KNTC1: variants seen among roughly 807,000 people sequenced by gnomAD.
KNTC1 encodes the protein kinetochore associated 1, also known as kinetochore-associated protein 1.
A neutral mutation model predicts 314.4 loss-of-function variants in KNTC1; 253 were observed. The observed-to-expected ratio is 0.80, with a 90% CI of 0.73 to 0.89. The LOEUF (loss-of-function observed/expected upper bound fraction) is 0.89. KNTC1 is among the 40% of genes least tolerant of loss of function. The pLI is 0.00. For synonymous variants in KNTC1, 901 were observed against 901.4 expected (o/e 1.00, Z 0.01); for missense variants, 2,475 against 2,572.9 (o/e 0.96, Z 0.82).
At chr12:122,577,613 G>A in intron 30 of KNTC1, 59 bp from the exon 31 acceptor site, 1 of 1,525,724 alleles carries the variant, frequency 6.6e-7, no homozygotes, top group South Asian at 1.3e-5. Context: ...AAGAGGTAAG[G>A]CCACACCGTC....
At chr12:122,543,233 C>T (rs548308265) in intron 6 of KNTC1, among the ~76,000 whole-genome samples, 1 of 152,312 alleles carries the variant, frequency 6.6e-6, no homozygotes, top group East Asian at 1.9e-4. Flanking sequence ...TTTTAAAATA[C>T]TGACTTGCCA....
intron 37 of KNTC1, among the ~76,000 whole-genome samples, chr12:122,586,169 G>A (rs559478186): frequency 6.6e-6 from 1 of 152,154 alleles, no homozygotes; most frequent in Non-Finnish European, 1.5e-5. Context: ...TGCAACCTCT[G>A]CCTCCTGGGT....
At position 122,603,252 on chromosome 12, in the gene KNTC1, T is replaced by C; in HGVS notation, c.5101+9T>C. On this transcript the variant is annotated intron_variant, in intron 48 of 63. Transcript: ENST00000333479. Reference sequence around the variant, plus strand: ...CCAGGATATCCCTGAAGGTATGAGCTCTTCTTTTAAAATTGTAGTTAAAAA... The same window carrying C: ...CCAGGATATCCCTGAAGGTATGAGCCCTTCTTTTAAAATTGTAGTTAAAAA... The C allele has an allele frequency of 6.6e-7, 1 of 1,512,224 alleles. No individual in the cohort carries two copies. Among genetic ancestry groups the C allele is most frequent in the Non-Finnish European group, 8.9e-7 (1 of 1,119,564 alleles). The allele number at this position is 1,512,224 out of a possible 1,614,324, so 93.7% of individuals were successfully genotyped here. A position where few individuals can be genotyped will look rare whatever the true frequency, so the allele number is the denominator to read the frequency against.
chr12:122,575,678 A>G (rs1964968869), intron 28 of KNTC1, 32 bp downstream of exon 28: 1 of 1,515,598 alleles, frequency 6.6e-7, no homozygotes, highest in Non-Finnish European at 9.0e-7. Flanking sequence ...CAATGTTGTT[A>G]TGCTCTGGAG....
intron 16 of KNTC1, among the ~76,000 whole-genome samples, chr12:122,556,269 C>T (rs565008429): frequency 4.6e-5 from 7 of 152,136 alleles, no homozygotes; most frequent in African/African-American, 7.2e-5. Context: ...CCACCTGCCT[C>T]GGCCTCCCAA....
chr12:122,575,710 C>A (rs936465463), intron 28 of KNTC1, 64 bp downstream of exon 28: 2 of 1,475,556 alleles, frequency 1.4e-6, no homozygotes, highest in Non-Finnish European at 1.9e-6. Context: ...TTTGAGTTGA[C>A]GTTCATTTAT....
intron 8 of KNTC1, among the ~76,000 whole-genome samples, chr12:122,545,337 G>C (rs1962676688): frequency 6.6e-6 from 1 of 152,082 alleles, no homozygotes; most frequent in Non-Finnish European, 1.5e-5. Flanking sequence ...AGGAGTATCA[G>C]GCTGCAGTAG....
At chr12:122,594,043 A>C (rs879472607) in intron 42 of KNTC1, 7 of 475,826 alleles carry the variant, frequency 1.5e-5, no homozygotes, top group Non-Finnish European at 2.6e-5. Flanking sequence ...TTAACAATCA[A>C]ACTTTTCAGA....
chr12:122,613,628 C>T lies in KNTC1; in HGVS notation c.5744C>T (p.Ser1915Phe), dbSNP rs546052261. The T allele has an allele frequency of 2.3e-5, 37 of 1,597,412 alleles. No homozygotes were observed. The South Asian group carries it at 3.8e-4, about 16-fold the overall frequency. ...LFKKPIEEVKSYLRCITFLAS... is the reference protein window; with the variant it reads ...LFKKPIEEVKFYLRCITFLAS... ...TTAGAAACGTTTCTGTTTTCCAGAT[C>T]TTATTTGAGATGTATAACTTTTCTG... The change falls in exon 55 of 64, where the codon TCT becomes TTT. Residue 1915 changes from serine (S) to phenylalanine (F), a missense_variant and splice_region_variant. Physicochemically the swap from Ser to Phe is radical, Grantham distance 155. Transcript: ENST00000333479.
In KNTC1 at chr12:122,569,938, CTG is replaced by C. The variant is rs145197094; in HGVS notation, c.1860+118_1860+119del. ...TAACACCAGTTAGTTAAGCTAACAC[CTG>C]TGTTAATTAAAGTGTCTCTTAAAAG... On this transcript the variant is annotated intron_variant, in intron 22 of 63. Coordinates refer to ENST00000333479, the MANE Select transcript of KNTC1 (RefSeq NM_014708.6). The C allele has an allele frequency of 1.1e-4, 97 of 859,076 alleles. No homozygotes were observed. In the African/African-American group the frequency reaches 1.5e-3, roughly 14 times the overall value. 53.2% of individuals were successfully genotyped at this position (859,076 alleles called of 1,614,324 possible).
intron 60 of KNTC1, 144 bp downstream of exon 60, chr12:122,620,752 A>G (rs1874342191): frequency 1.2e-6 from 1 of 821,382 alleles, no homozygotes; most frequent in Non-Finnish European, 1.8e-6. Flanking sequence ...ATGGGGGCTT[A>G]GTGGGAGGTA....
chr12:122,602,982 A>G lies in KNTC1; in HGVS notation c.4885-45A>G, dbSNP rs776593201. The G allele has an allele frequency of 2.5e-6, 4 of 1,569,820 alleles. 1 individual carries two copies. The highest frequency in any genetic ancestry group is 2.2e-5 in the South Asian group (2 of 89,604). Reference sequence around the variant, plus strand: ...TTCTGCTGCTTTCATGTAAAACCTTATATGTGAATATGTGCTTCAGCCATA... The same window carrying G: ...TTCTGCTGCTTTCATGTAAAACCTTGTATGTGAATATGTGCTTCAGCCATA... On this transcript the variant is annotated intron_variant, in intron 47 of 63. Coordinates refer to ENST00000333479, the MANE Select transcript of KNTC1 (RefSeq NM_014708.6).
intron 44 of KNTC1, among the ~76,000 whole-genome samples, chr12:122,600,519 T>C (rs576611200): frequency 1.3e-5 from 2 of 152,356 alleles, no homozygotes; most frequent in South Asian, 2.1e-4. Flanking sequence ...CCCACAGTTT[T>C]ACTCATGTCA....
chr12:122,572,237 CA>C (rs1231029758), intron 24 of KNTC1, among the ~76,000 whole-genome samples: 1 of 151,414 alleles, frequency 6.6e-6, no homozygotes, highest in Non-Finnish European at 1.5e-5. Flanking sequence ...AGTAAAAATA[CA>C]AAAAAAATTA....
Position 122,544,203 on chromosome 12 carries a change from T to C in KNTC1, c.603T>C (p.Tyr201=). Residue 201 remains tyrosine, a synonymous_variant, in exon 8 of 64, where the codon TAT becomes TAC. Coordinates refer to ENST00000333479, the MANE Select transcript of KNTC1 (RefSeq NM_014708.6). Reference sequence around the variant, plus strand: ...CCAGTTTTATTTCTACTGAAAATTATCATACTCTTGGTTGTCTCAGTCTTG... The same window carrying C: ...CCAGTTTTATTTCTACTGAAAATTACCATACTCTTGGTTGTCTCAGTCTTG... ...IKSSFISTEN[Y]HTLGCLSLVA... is the part of the protein sequence containing the mutation. The C allele has an allele frequency of 2.5e-6, 4 of 1,584,788 alleles. No homozygotes were observed. Among genetic ancestry groups the C allele is most frequent in the Non-Finnish European group, 3.4e-6 (4 of 1,170,534 alleles).
chr12:122,559,906 A>C (rs1963865992), intron 18 of KNTC1, among the ~76,000 whole-genome samples: 1 of 152,212 alleles, frequency 6.6e-6, no homozygotes, highest in Non-Finnish European at 1.5e-5. Context: ...TAATGGTATT[A>C]AATACATTCA....
chr12:122,601,164 G>T (rs565997465), intron 44 of KNTC1, among the ~76,000 whole-genome samples: 1 of 151,756 alleles, frequency 6.6e-6, no homozygotes, highest in South Asian at 2.1e-4. Context: ...CTCACTGCAA[G>T]CTCCGCCTCC....
rs929054140 is a variant in KNTC1 at position 122,615,513 on chromosome 12, A to G, written c.6017A>G (p.His2006Arg). The G allele has an allele frequency of 3.9e-6, 6 of 1,526,306 alleles. No homozygotes were observed. The African/African-American group carries it at 6.9e-5, about 18-fold the overall frequency. The allele number at this position is 1,526,306 out of a possible 1,614,324, so 94.5% of individuals were successfully genotyped here. ...RKVLKAISSIHSLWQVPYFSK... is the reference protein window; with the variant it reads ...RKVLKAISSIRSLWQVPYFSK... ...GTTTTAAAAGCCATCTCCAGTATCC[A>G]TTCTTTATGGCAGGTATGTAGTTTT... The change falls in exon 57 of 64, where the codon CAT becomes CGT. Residue 2006 changes from histidine to arginine, a missense_variant. By Grantham distance (29) the His-to-Arg change is conservative. Transcript: ENST00000333479.
At chr12:122,617,976 A>T (rs1873951060) in intron 57 of KNTC1, among the ~76,000 whole-genome samples, 1 of 152,190 alleles carries the variant, frequency 6.6e-6, no homozygotes, top group South Asian at 2.1e-4. Context: ...ATCTAATTTC[A>T]GAACATTTAG....
Sources: allele counts gnomAD v4.1 joint callset (sites outside exome capture counted in the v4.1 genomes callset), GRCh38; gene constraint gnomAD v4.1.1; transcripts MANE v1.5; gene names NCBI Gene and HGNC (gene_info 2026-07-23, HGNC 2026-07-21).